TMEM132E: variants seen among roughly 807,000 people sequenced by gnomAD.
The protein encoded by TMEM132E is transmembrane protein 132E.
TMEM132E carries 49 observed loss-of-function variants against 78.5 expected under a neutral mutation model. That is an observed-to-expected ratio of 0.62 (90% CI 0.50 to 0.79). The LOEUF (loss-of-function observed/expected upper bound fraction) is 0.79, where lower values mean the gene tolerates loss of function less well. Among genes scored for constraint, TMEM132E ranks in the 30% least tolerant of loss-of-function variants. The pLI, the probability that TMEM132E is intolerant of heterozygous loss-of-function variation, is 0.00. For missense variants in TMEM132E, 1,403 were observed against 1,470.9 expected (o/e 0.95, Z 0.75); for synonymous variants, 715 against 670.6 (o/e 1.07, Z -1.02).
intron 1 of TMEM132E, among the ~76,000 whole-genome samples, chr17:34,586,079 G>A (rs1011169616): frequency 6.6e-6 from 1 of 151,938 alleles, no homozygotes; most frequent in Non-Finnish European, 1.5e-5. Flanking sequence ...TGATGAAGAA[G>A]CCCCTTCTTA....
chr17:34,590,690 A>C (rs1161921095), intron 1 of TMEM132E, among the ~76,000 whole-genome samples: 2 of 152,200 alleles, frequency 1.3e-5, no homozygotes, highest in African/African-American at 4.8e-5. Flanking sequence ...AGAAATAGCA[A>C]GATACAATGC....
chr17:34,587,907 G>A lies in TMEM132E; in HGVS notation c.67+6764G>A, dbSNP rs560918445. ...GGCTCAACAGAGTCCTGGCTGCACT[G>A]GCTTTTGAAGTCATGACCCTGCCTT... On this transcript the variant is annotated intron_variant, in intron 1 of 8. Transcript: ENST00000631683. 7.0e-4 allele frequency among the ~76,000 whole-genome samples: 106 copies of A among 152,316 alleles called. 1 individual carries two copies. Among genetic ancestry groups the A allele is most frequent in the African/African-American group, 2.2e-3 (93 of 41,566 alleles).
chr17:34,635,705 A>T (rs953718260), intron 7 of TMEM132E: 3 of 305,224 alleles, frequency 9.8e-6, no homozygotes, highest in Non-Finnish European at 1.8e-5. Flanking sequence ...TCTCCCTGAC[A>T]TTGAGGTTGC....
Position 34,637,879 on chromosome 17 carries a change from C to T in TMEM132E, c.2872C>T (p.Leu958=). Residue 958 remains leucine, a synonymous_variant, in exon 9 of 9, where the codon CTG becomes TTG. Transcript: ENST00000631683. Reference sequence around the variant, plus strand: ...GCTGTCGCCGCCAGCAGGCAACCCGCTGGAAACCGTGCCCGCCTTCTGCCA... The same window carrying T: ...GCTGTCGCCGCCAGCAGGCAACCCGTTGGAAACCGTGCCCGCCTTCTGCCA... The part of the protein sequence containing the change: ...GELSPPAGNP[L]ETVPAFCHGD... 6.2e-7 allele frequency: 1 copy of T among 1,608,422 alleles called. No individual in the cohort carries two copies. The highest frequency in any genetic ancestry group is 8.5e-7 in the Non-Finnish European group (1 of 1,179,066).
chr17:34,630,080 G>A lies in TMEM132E; in HGVS notation c.1411G>A (p.Glu471Lys), dbSNP rs747753813. Residue 471 changes from glutamate to lysine, a missense_variant, in exon 5 of 9, where the codon GAG (glutamate) becomes AAG (lysine). This residue lies in a region of TMEM132E where 888 missense variants were observed against 952.8 expected (regional missense o/e 0.93). Coordinates refer to ENST00000631683, the MANE Select transcript of TMEM132E (RefSeq NM_001304438.2). ...VAIPVKVIAIEVNGLVLDISA... is the reference protein window; with the variant it reads ...VAIPVKVIAIKVNGLVLDISA... ...CATCCCTGTCAAGGTCATTGCCATC[G>A]AGGTGAATGGCCTCGTCCTGGACAT... 12 of 1,613,578 alleles carry A rather than the reference G, an allele frequency of 7.4e-6. No homozygotes were observed. Among genetic ancestry groups the A allele is most frequent in the South Asian group, 2.2e-5 (2 of 91,058 alleles).
In TMEM132E at chr17:34,632,820, G is replaced by T. The variant is rs1907395086; in HGVS notation, c.1599G>T (p.Trp533Cys). Residue 533 changes from tryptophan (W) to cysteine (C), a missense_variant, in exon 6 of 9, where the codon TGG (tryptophan) becomes TGT (cysteine). Around this residue, in one of 3 missense-constraint regions of TMEM132E, gnomAD observed 888 missense variants for 952.8 expected, o/e 0.93. Transcript: ENST00000631683. ...ATGCTCCCCTGGAAATGACAGTCTG[G>T]GTCCCCAAGCTGCCCTTGCACATTG... ...VLNAPLEMTVWVPKLPLHIEL... is the reference protein window; with the variant it reads ...VLNAPLEMTVCVPKLPLHIEL... 6.2e-7 allele frequency: 1 copy of T among 1,614,076 alleles called. No individual in the cohort carries two copies. The highest frequency in any genetic ancestry group is 8.5e-7 in the Non-Finnish European group (1 of 1,180,038).
At chr17:34,597,118 C>T (rs1266088419) in intron 1 of TMEM132E, among the ~76,000 whole-genome samples, 1 of 152,160 alleles carries the variant, frequency 6.6e-6, no homozygotes, top group Non-Finnish European at 1.5e-5. Flanking sequence ...CTCAGGACAG[C>T]AGTATCCTCC....
chr17:34,588,294 T>C (rs1905748603), intron 1 of TMEM132E, among the ~76,000 whole-genome samples: 1 of 152,228 alleles, frequency 6.6e-6, no homozygotes, highest in Non-Finnish European at 1.5e-5. Context: ...CTGCAACTCA[T>C]TGCAGATTTG....
At chr17:34,609,295 G>C (rs978555445) in intron 1 of TMEM132E, among the ~76,000 whole-genome samples, 21 of 152,272 alleles carry the variant, frequency 1.4e-4, no homozygotes, top group Non-Finnish European at 2.5e-4. Context: ...TGGAATGTGA[G>C]AAAAAGGATG....
intron 1 of TMEM132E, among the ~76,000 whole-genome samples, chr17:34,609,498 T>C (rs1166990186): frequency 2.0e-5 from 3 of 152,132 alleles, no homozygotes; most frequent in Non-Finnish European, 4.4e-5. Context: ...GCTGGAGAAC[T>C]TAATTACAGC....
Position 34,637,627 on chromosome 17 carries a change from C to T in TMEM132E, c.2620C>T (p.Pro874Ser), listed in dbSNP as rs1218648789. 5.6e-6 allele frequency: 9 copies of T among 1,604,468 alleles called. No homozygotes were observed. The highest frequency in any genetic ancestry group is 1.7e-4 in the Middle Eastern group (1 of 6,052). ...ACCCACAGAAGACTTCCTGCCGCTG[C>T]CCACCGGCTTCCTGCAGGTGCCACG... ...VPPTEDFLPL[P>S]TGFLQVPRGL... Residue 874 changes from proline to serine, a missense_variant, in exon 9 of 9, where the codon CCC (proline) becomes TCC (serine). This residue lies in a region of TMEM132E where 888 missense variants were observed against 952.8 expected (regional missense o/e 0.93). Coordinates refer to ENST00000631683, the MANE Select transcript of TMEM132E (RefSeq NM_001304438.2).
At chr17:34,605,522 G>T (rs1006120995) in intron 1 of TMEM132E, among the ~76,000 whole-genome samples, 1 of 152,150 alleles carries the variant, frequency 6.6e-6, no homozygotes, top group Non-Finnish European at 1.5e-5. Context: ...ACACAGACAG[G>T]GAAGAGCCCT....
At chr17:34,637,078 G>C in intron 8 of TMEM132E, 99 bp from the exon 9 acceptor site, 1 of 1,057,572 alleles carries the variant, frequency 9.5e-7, no homozygotes. Flanking sequence ...CAGGGAGCCA[G>C]AGACCCGTGG....
At chr17:34,619,835 G>A (rs1906900851) in intron 1 of TMEM132E, among the ~76,000 whole-genome samples, 1 of 152,240 alleles carries the variant, frequency 6.6e-6, no homozygotes, top group Non-Finnish European at 1.5e-5. Context: ...AGGAGCAAGT[G>A]CTAACAGATC....
intron 1 of TMEM132E, among the ~76,000 whole-genome samples, chr17:34,592,777 C>T (rs1181679923): frequency 6.6e-6 from 1 of 152,194 alleles, no homozygotes; most frequent in Non-Finnish European, 1.5e-5. Flanking sequence ...TCATTGGCAT[C>T]AAGGAACACT....
At chr17:34,586,892 G>C (rs1336722272) in intron 1 of TMEM132E, among the ~76,000 whole-genome samples, 1 of 151,930 alleles carries the variant, frequency 6.6e-6, no homozygotes, top group East Asian at 1.9e-4. Flanking sequence ...CCCTCAAAAA[G>C]TTCTGCTTTT....
chr17:34,626,962 G>A lies in TMEM132E; in HGVS notation c.903G>A (p.Arg301=). ...ACCTGATGATCCGCCTGCCAGACCG[G>A]CCCCTCAAGCCCGGGGAAGTGCTCA... ...DSNLMIRLPD[R]PLKPGEVLSI... The change falls in exon 2 of 9, where the codon CGG becomes CGA. Residue 301 remains arginine, a synonymous_variant. Transcript: ENST00000631683. 1.2e-6 allele frequency: 2 copies of A among 1,613,912 alleles called. No individual in the cohort carries two copies. Among genetic ancestry groups the A allele is most frequent in the Non-Finnish European group, 1.7e-6 (2 of 1,180,028 alleles).
At chr17:34,597,870 C>T (rs140539544) in intron 1 of TMEM132E, among the ~76,000 whole-genome samples, 10 of 152,302 alleles carry the variant, frequency 6.6e-5, no homozygotes, top group African/African-American at 2.4e-4. Flanking sequence ...AGATCCTGCC[C>T]AGAGACCTCA....
At chr17:34,594,981 T>C (rs921075976) in intron 1 of TMEM132E, among the ~76,000 whole-genome samples, 1 of 152,164 alleles carries the variant, frequency 6.6e-6, no homozygotes, top group African/African-American at 2.4e-5. Flanking sequence ...GAGACAAGGA[T>C]GCAAATAATT....
Sources: allele counts gnomAD v4.1 joint callset (sites outside exome capture counted in the v4.1 genomes callset), GRCh38; gene constraint gnomAD v4.1.1; regional missense constraint gnomAD v4.1.1; transcripts MANE v1.5; gene names NCBI Gene and HGNC (gene_info 2026-07-23, HGNC 2026-07-21).